The following KRAS variants were observed in gnomAD, a reference collection of about 807,000 sequenced individuals.
The protein encoded by KRAS is GTPase KRas.
Under a neutral mutation model 21.0 loss-of-function variants are expected in KRAS, and 1 was observed. That is an observed-to-expected ratio of 0.05 (90% confidence interval 0.02 to 0.23). KRAS has a LOEUF of 0.23. KRAS is among the 10% of genes least tolerant of loss of function. KRAS has a pLI of 1.00. For missense variants in KRAS, 107 were observed against 221.8 expected (o/e 0.48, Z 3.29); for synonymous variants, 67 against 72.5 (o/e 0.92, Z 0.39).
intron 4 of KRAS, among the ~76,000 whole-genome samples, chr12:25,222,333 T>C (rs1454627663): frequency 5.9e-5 from 9 of 152,180 alleles, no homozygotes; most frequent in African/African-American, 1.9e-4. Flanking sequence ...TTACTCGGAA[T>C]AGCTCTTTAA....
intron 2 of KRAS, among the ~76,000 whole-genome samples, chr12:25,242,124 T>C (rs1951617483): frequency 1.3e-5 from 2 of 152,210 alleles, no homozygotes; most frequent in African/African-American, 4.8e-5. Context: ...ATGATTAATC[T>C]GGTCTTCCTT....
At position 25,215,376 on chromosome 12, in the gene KRAS, C is replaced by T. The variant is rs1951242120; in HGVS notation, c.451-5465G>A. On this transcript the variant is annotated intron_variant, in intron 4 of 4. Transcript: ENST00000311936. ...TAAGTAGTTCTAAAGTGGTTGCCAC[C>T]TTGTTACCTTTAAAAGACATCTGCT... 3 of 1,607,366 alleles carry T rather than the reference C, an allele frequency of 1.9e-6. No individual in the cohort carries two copies. In the African/African-American group the frequency reaches 4.0e-5, roughly 22 times the overall value.
chr12:25,235,628 C>A (rs1423600102), intron 2 of KRAS, among the ~76,000 whole-genome samples: 2 of 152,096 alleles, frequency 1.3e-5, no homozygotes, highest in African/African-American at 4.8e-5. Context: ...TGGTGGCACA[C>A]AGGAGAGATC....
intron 3 of KRAS, among the ~76,000 whole-genome samples, chr12:25,226,907 C>A (rs1185796913): frequency 6.6e-6 from 1 of 151,984 alleles, no homozygotes; most frequent in South Asian, 2.1e-4. Context: ...TTTTCATATT[C>A]TTTTTTATGG....
chr12:25,248,527 G>A (rs1951717654), intron 1 of KRAS, among the ~76,000 whole-genome samples: 1 of 151,978 alleles, frequency 6.6e-6, no homozygotes, highest in South Asian at 2.1e-4. Flanking sequence ...GACAGACATT[G>A]GATTAGAGTT....
intron 2 of KRAS, among the ~76,000 whole-genome samples, chr12:25,231,643 A>T (rs1337739934): frequency 6.6e-6 from 1 of 152,146 alleles, no homozygotes; most frequent in African/African-American, 2.4e-5. Flanking sequence ...GACCTTAAAA[A>T]TATCGATAGC....
At chr12:25,247,659 T>C (rs573340598) in intron 1 of KRAS, among the ~76,000 whole-genome samples, 37 of 152,372 alleles carry the variant, frequency 2.4e-4, no homozygotes, top group African/African-American at 7.7e-4. Flanking sequence ...CTAAGACTTT[T>C]CTGGTGTGCA....
chr12:25,214,428 C>T (rs1461030997), intron 4 of KRAS, among the ~76,000 whole-genome samples: 1 of 148,324 alleles, frequency 6.7e-6, no homozygotes, highest in Admixed American at 6.8e-5. Context: ...GCTCTTGTTG[C>T]TCAAGCTGGA....
chr12:25,248,157 G>T (rs574378623), intron 1 of KRAS, among the ~76,000 whole-genome samples: 2 of 151,866 alleles, frequency 1.3e-5, no homozygotes, highest in Non-Finnish European at 2.9e-5. Context: ...CAATGTGCCC[G>T]GCCCCTTCGA....
chr12:25,247,073 T>C (rs761218922), intron 1 of KRAS, among the ~76,000 whole-genome samples: 3 of 152,210 alleles, frequency 2.0e-5, no homozygotes, highest in African/African-American at 7.2e-5. Flanking sequence ...TTTTAGTTAG[T>C]TGTTTCAAAT....
At chr12:25,214,082 G>A (rs566976222) in intron 4 of KRAS, among the ~76,000 whole-genome samples, 1 of 152,306 alleles carries the variant, frequency 6.6e-6, no homozygotes, top group African/African-American at 2.4e-5. Flanking sequence ...GGAATACACA[G>A]GAAGGGCTCC....
chr12:25,237,388 C>T (rs1951556794), intron 2 of KRAS, among the ~76,000 whole-genome samples: 1 of 152,152 alleles, frequency 6.6e-6, no homozygotes, highest in South Asian at 2.1e-4. Flanking sequence ...TATGTGAATA[C>T]ATTTCAATTT....
At chr12:25,213,363 A>G (rs1951218974) in intron 4 of KRAS, among the ~76,000 whole-genome samples, 1 of 152,224 alleles carries the variant, frequency 6.6e-6, no homozygotes, top group South Asian at 2.1e-4. Context: ...AGAAAATAAA[A>G]AATTAAAACC....
chr12:25,232,659 A>C (rs1241271935), intron 2 of KRAS, among the ~76,000 whole-genome samples: 1 of 152,220 alleles, frequency 6.6e-6, no homozygotes, highest in Non-Finnish European at 1.5e-5. Flanking sequence ...TAGCCTTAGG[A>C]AACTACGATA....
chr12:25,210,323 G>A (rs1951189076), intron 4 of KRAS, among the ~76,000 whole-genome samples: 1 of 152,006 alleles, frequency 6.6e-6, no homozygotes, highest in South Asian at 2.1e-4. Flanking sequence ...TGTAAACTAT[G>A]TTCATATATC....
intron 1 of KRAS, among the ~76,000 whole-genome samples, chr12:25,247,734 CA>C (rs1459551547): frequency 2.0e-5 from 3 of 152,172 alleles, no homozygotes; most frequent in Admixed American, 6.5e-5. Flanking sequence ...CCCATTCTTT[CA>C]CAAGTTTTCC....
At position 25,209,872 on chromosome 12, in the gene KRAS, G is replaced by A. The variant is rs1555192443; in HGVS notation, c.490C>T (p.Arg164Ter). 1 of 1,608,164 alleles carries A rather than the reference G, an allele frequency of 6.2e-7. No individual in the cohort carries two copies. The highest frequency in any genetic ancestry group is 8.5e-7 in the Non-Finnish European group (1 of 1,176,588). The change falls in exon 5 of 5, where the codon CGA (arginine) becomes TGA (stop). Residue 164 changes from arginine to a stop codon, truncating the protein, a stop_gained. Transcript: ENST00000311936. LOFTEE classifies it high-confidence loss of function. ...TTGCTCATCTTTTCTTTATGTTTTC[G>A]AATTTCTCGAACTAATGTATAGAAG... ...DAFYTLVREIRKHKEKMSKDG... is the reference protein window; with the variant it reads ...DAFYTLVREI
chr12:25,239,636 G>A (rs1951586105), intron 2 of KRAS, among the ~76,000 whole-genome samples: 1 of 152,186 alleles, frequency 6.6e-6, no homozygotes, highest in African/African-American at 2.4e-5. Context: ...GAAAGAAGGT[G>A]AAAAATAGTT....
chr12:25,206,864 TATGA>T lies in KRAS; in HGVS notation c.*2927_*2930del. 1 of 200,386 alleles carries T rather than the reference TATGA, an allele frequency of 5.0e-6. No homozygotes were observed. The allele number at this position is 200,386 out of a possible 1,614,324, so 12.4% of individuals were successfully genotyped here. A position where few individuals can be genotyped will look rare whatever the true frequency, so the allele number is the denominator to read the frequency against. On this transcript the variant is annotated 3_prime_UTR_variant, in exon 5 of 5. Transcript: ENST00000311936. The stretch of plus-strand genomic sequence containing the variant: ...CTGGAATATTACACATTTGGGTCAA[TATGA>T]ATATCTGACATACACCTTAATGTGT...
Sources: allele counts gnomAD v4.1 joint callset (sites outside exome capture counted in the v4.1 genomes callset), GRCh38; gene constraint gnomAD v4.1.1; transcripts MANE v1.5; gene names NCBI Gene and HGNC (gene_info 2026-07-23, HGNC 2026-07-21).